The following TENM2 variants were observed in gnomAD, a reference collection of about 807,000 sequenced individuals.
The protein encoded by TENM2 is teneurin transmembrane protein 2.
Under a neutral mutation model 245.2 loss-of-function variants are expected in TENM2, and 52 were observed. That is an observed-to-expected ratio of 0.21 (90% CI 0.17 to 0.27). TENM2 has a LOEUF of 0.27. Among genes scored for constraint, TENM2 ranks in the 10% least tolerant of loss-of-function variants. The pLI is 1.00. For missense variants in TENM2, 3,046 were observed against 3,666.8 expected (o/e 0.83, Z 4.37); for synonymous variants, 1,363 against 1,438.9 (o/e 0.95, Z 1.19).
chr5:167,472,016 T>C lies in TENM2; in HGVS notation c.502+96543T>C, dbSNP rs576454945. ...AGCCCCAGGTTGCTCGCCTATCTTTTGCTCCTTAGACCATTAGTGGTTTCT... is the reference window on the plus strand; with the variant it reads ...AGCCCCAGGTTGCTCGCCTATCTTTCGCTCCTTAGACCATTAGTGGTTTCT... On this transcript the variant is annotated intron_variant, in intron 2 of 28. Coordinates refer to ENST00000518659, the Ensembl canonical transcript of TENM2. Among the ~76,000 whole-genome samples the C allele has an allele frequency of 8.5e-5, 13 of 152,328 alleles. No individual in the cohort carries two copies. The South Asian group carries it at 2.7e-3, about 32-fold the overall frequency.
chr5:167,742,314 T>G (rs1158303483), intron 2 of TENM2, among the ~76,000 whole-genome samples: 1 of 151,700 alleles, frequency 6.6e-6, no homozygotes, highest in East Asian at 1.9e-4. Context: ...CCCCAGAATT[T>G]AAATTTGAAT....
At chr5:167,078,343 T>C in the TENM2 span, among the ~76,000 whole-genome samples, 1 of 151,920 alleles carries the variant, frequency 6.6e-6, no homozygotes, top group Non-Finnish European at 1.5e-5. Flanking sequence ...ATTAGCCAGG[T>C]GTGGTGGCAC....
intron 1 of TENM2, among the ~76,000 whole-genome samples, chr5:167,299,964 T>G (rs1214942338): frequency 6.6e-6 from 1 of 152,074 alleles, no homozygotes; most frequent in Non-Finnish European, 1.5e-5. Flanking sequence ...TGAGCATAGT[T>G]TGTGATTTTT....
intron 9 of TENM2, among the ~76,000 whole-genome samples, chr5:168,098,672 G>A (rs1167496320): frequency 6.6e-6 from 1 of 152,122 alleles, no homozygotes; most frequent in Non-Finnish European, 1.5e-5. Flanking sequence ...AGAGAATTTA[G>A]AGGCTGCACA....
At chr5:167,437,607 G>GCT (rs1764639549) in intron 2 of TENM2, among the ~76,000 whole-genome samples, 1 of 152,174 alleles carries the variant, frequency 6.6e-6, no homozygotes, top group East Asian at 1.9e-4. Context: ...ATATGGTTTG[G>GCT]CTGTGTCCCC....
At chr5:167,790,522 C>T (rs944715194) in intron 2 of TENM2, among the ~76,000 whole-genome samples, 1 of 152,116 alleles carries the variant, frequency 6.6e-6, no homozygotes, top group Non-Finnish European at 1.5e-5. Context: ...AATGGGCTTT[C>T]AGATAGTCCA....
rs529564197 is a variant in TENM2 at position 167,878,769 on chromosome 5, T to TA, written c.712+2578dup. Among the ~76,000 whole-genome samples, 605 of 152,278 alleles carry TA rather than the reference T, an allele frequency of 4.0e-3. 6 individuals are homozygous for TA. The highest frequency in any genetic ancestry group is 0.014 in the African/African-American group (573 of 41,550). ...TCTGAGTGTTTTGAACTGAGTCTGA[T>TA]AAAAGGGGCTGAATTTTTCAGGAGG... On this transcript the variant is annotated intron_variant, in intron 3 of 28. Coordinates refer to ENST00000518659, the Ensembl canonical transcript of TENM2.
intron 2 of TENM2, among the ~76,000 whole-genome samples, chr5:167,654,521 G>T (rs1258619611): frequency 1.3e-5 from 2 of 151,942 alleles, no homozygotes; most frequent in Non-Finnish European, 2.9e-5. Flanking sequence ...TTCACATTTT[G>T]CATGGGGATG....
chr5:167,332,683 G>T (rs1757531153), intron 1 of TENM2, among the ~76,000 whole-genome samples: 2 of 152,210 alleles, frequency 1.3e-5, no homozygotes, highest in South Asian at 4.2e-4. Flanking sequence ...GCTTGTACTG[G>T]GTTGAGTTCA....
At chr5:167,007,348 C>G in the TENM2 span, among the ~76,000 whole-genome samples, 1 of 152,148 alleles carries the variant, frequency 6.6e-6, no homozygotes, top group Non-Finnish European at 1.5e-5. The surrounding 1 kb of genome is among the most constrained non-coding windows in gnomAD (Gnocchi z 4.2). Flanking sequence ...CTGAGTCTTT[C>G]CAATCTAAGG....
chr5:167,260,141 C>T, the TENM2 span, among the ~76,000 whole-genome samples: 1 of 152,084 alleles, frequency 6.6e-6, no homozygotes, highest in African/African-American at 2.4e-5. Context: ...CTGTGACTAA[C>T]AAGTATCATC....
chr5:167,599,688 G>GT (rs1186261849), intron 2 of TENM2, among the ~76,000 whole-genome samples: 1 of 151,996 alleles, frequency 6.6e-6, no homozygotes, highest in Non-Finnish European at 1.5e-5. Context: ...GTTTTGTTGG[G>GT]TTTTTTTATT....
At chr5:167,577,817 C>A (rs553761043) in intron 2 of TENM2, among the ~76,000 whole-genome samples, 63 of 152,272 alleles carry the variant, frequency 4.1e-4, no homozygotes, top group Non-Finnish European at 7.3e-4. Flanking sequence ...TCTCCACTCA[C>A]TGAGAATCTG....
chr5:167,543,935 T>C (rs564378347), intron 2 of TENM2, among the ~76,000 whole-genome samples: 1 of 152,332 alleles, frequency 6.6e-6, no homozygotes, highest in East Asian at 1.9e-4. Flanking sequence ...TGTTTACTAA[T>C]CCACTATGAC....
At chr5:167,183,889 T>C in the TENM2 span, among the ~76,000 whole-genome samples, 1 of 152,346 alleles carries the variant, frequency 6.6e-6, no homozygotes, top group South Asian at 2.1e-4. Context: ...GGTAAATCAA[T>C]TTTAAGTACA....
chr5:167,111,475 C>T, the TENM2 span, among the ~76,000 whole-genome samples: 3 of 152,174 alleles, frequency 2.0e-5, no homozygotes, highest in African/African-American at 7.2e-5. Flanking sequence ...GTCTGTATTA[C>T]ACGTAGGAAG....
rs577475984 is a variant in TENM2, at chr5:168,204,262, C to G, written c.3575-110C>G. ...CATTGTGAAGAAGTTGGAGAGCTCC[C>G]CGAGCACTGAAGATTCCTAATTTGT... On this transcript the variant is annotated intron_variant, in intron 18 of 28. Coordinates refer to ENST00000518659, the Ensembl canonical transcript of TENM2. 7.4e-6 allele frequency: 9 copies of G among 1,210,200 alleles called. No homozygotes were observed. In the African/African-American group the frequency reaches 1.2e-4, roughly 16 times the overall value. The allele number at this position is 1,210,200 out of a possible 1,614,324, so 75.0% of individuals were successfully genotyped here.
At chr5:167,053,531 G>A in the TENM2 span, among the ~76,000 whole-genome samples, 11 of 152,200 alleles carry the variant, frequency 7.2e-5, no homozygotes, top group African/African-American at 2.4e-4. Flanking sequence ...ATTATCAGCC[G>A]TAAAGAGTCT....
chr5:167,523,297 C>T (rs1166583044), intron 2 of TENM2, among the ~76,000 whole-genome samples: 2 of 152,176 alleles, frequency 1.3e-5, no homozygotes, highest in Non-Finnish European at 2.9e-5. Flanking sequence ...TAGCCCACTA[C>T]AGGTGGGACA....
Sources: allele counts gnomAD v4.1 joint callset (sites outside exome capture counted in the v4.1 genomes callset), GRCh38; gene constraint gnomAD v4.1.1; non-coding constraint Gnocchi (gnomAD v3.1); transcripts MANE v1.5; gene names NCBI Gene and HGNC (gene_info 2026-07-23, HGNC 2026-07-21).